Variants in RANBP2 observed in about 807,000 individuals in gnomAD.
The protein encoded by RANBP2 is E3 SUMO-protein ligase RanBP2.
A neutral mutation model predicts 303.6 loss-of-function variants in RANBP2; 57 were observed. The observed-to-expected ratio is 0.19, with a 90% CI of 0.15 to 0.23. The LOEUF (loss-of-function observed/expected upper bound fraction) is 0.23. Among genes scored for constraint, RANBP2 ranks in the 10% least tolerant of loss-of-function variants. RANBP2 has a pLI of 1.00. For missense variants in RANBP2, 3,138 were observed against 3,780.8 expected, an observed-to-expected ratio of 0.83 and a Z score of 4.46; for synonymous variants, 1,167 against 1,301.5, an observed-to-expected ratio of 0.90 and a Z score of 2.23.
At chr2:109,219,922 A>C in the RANBP2 span, among the ~76,000 whole-genome samples, 1 of 152,232 alleles carries the variant, frequency 6.6e-6, no homozygotes, top group Non-Finnish European at 1.5e-5. Context: ...ATAGTAAAAA[A>C]GCACTCTAAA....
chr2:109,395,516 C>T, the RANBP2 span, among the ~76,000 whole-genome samples: 4 of 151,466 alleles, frequency 2.6e-5, no homozygotes, highest in Admixed American at 1.3e-4. Context: ...GGAGCTCTTA[C>T]TTCTCCTGCC....
the RANBP2 span, among the ~76,000 whole-genome samples, chr2:109,479,441 C>T: frequency 6.6e-6 from 1 of 152,190 alleles, no homozygotes; most frequent in African/African-American, 2.4e-5. Flanking sequence ...TCAGTAGGAA[C>T]ATTTCTTGTC....
chr2:108,980,377 C>G, the RANBP2 span, among the ~76,000 whole-genome samples: 1 of 152,094 alleles, frequency 6.6e-6, no homozygotes, highest in Admixed American at 6.5e-5. Context: ...GCCACTAATG[C>G]TCTGGTGGGC....
At chr2:108,914,400 A>G in the RANBP2 span, among the ~76,000 whole-genome samples, 1 of 152,306 alleles carries the variant, frequency 6.6e-6, no homozygotes, top group South Asian at 2.1e-4. Flanking sequence ...TTCCTCAGAC[A>G]TGTTTTTACA....
chr2:109,483,249 G>A, the RANBP2 span, among the ~76,000 whole-genome samples: 1 of 152,180 alleles, frequency 6.6e-6, no homozygotes, highest in African/African-American at 2.4e-5. Flanking sequence ...AAACTTCCAA[G>A]TATAACTTGC....
the RANBP2 span, among the ~76,000 whole-genome samples, chr2:109,637,059 T>A: frequency 2.0e-5 from 3 of 151,874 alleles, no homozygotes; most frequent in East Asian, 5.8e-4. Flanking sequence ...AGGAATGTAG[T>A]AGGAGGGCAG....
intron 20 of RANBP2, among the ~76,000 whole-genome samples, 174 bp from the exon 21 acceptor site, chr2:108,771,527 G>A (rs1158883820): frequency 3.3e-5 from 5 of 152,036 alleles, no homozygotes; most frequent in Non-Finnish European, 5.9e-5. Flanking sequence ...CACTAAATCA[G>A]GATGCTAATT....
At chr2:109,255,419 C>G in the RANBP2 span, among the ~76,000 whole-genome samples, 4 of 152,248 alleles carry the variant, frequency 2.6e-5, no homozygotes, top group Non-Finnish European at 5.9e-5. Context: ...TCTCAATGAT[C>G]AGTATGAAGG....
intron 9 of RANBP2, among the ~76,000 whole-genome samples, chr2:108,750,748 C>T (rs531538036): frequency 2.0e-5 from 3 of 152,116 alleles, no homozygotes; most frequent in South Asian, 2.1e-4. Context: ...ACACCATGCT[C>T]GGCTAATTTT....
At chr2:109,536,757 TGTGGGAGGAAACA>T in the RANBP2 span, among the ~76,000 whole-genome samples, 8 of 152,160 alleles carry the variant, frequency 5.3e-5, no homozygotes, top group Non-Finnish European at 1.2e-4. Context: ...TCCTACGTAT[TGTGGGAGGAAACA>T]GTGGGAGGTA....
chr2:109,477,121 A>T, the RANBP2 span, among the ~76,000 whole-genome samples: 1 of 152,150 alleles, frequency 6.6e-6, no homozygotes, highest in East Asian at 1.9e-4. Context: ...CCTACTCAAG[A>T]TGGAGTTGCT....
the RANBP2 span, among the ~76,000 whole-genome samples, chr2:108,824,761 G>A: frequency 6.6e-6 from 1 of 152,062 alleles, no homozygotes; most frequent in Non-Finnish European, 1.5e-5. Flanking sequence ...TGGCAGCACA[G>A]TAGTTTTTTT....
intron 25 of RANBP2, 38 bp downstream of exon 25, chr2:108,777,269 C>A (rs1430275234): frequency 1.3e-6 from 2 of 1,533,668 alleles, no homozygotes; most frequent in Admixed American, 3.5e-5. Context: ...GACATTGTTA[C>A]AGAATCAAGC....
the RANBP2 span, among the ~76,000 whole-genome samples, chr2:109,077,592 T>G: frequency 0.97 from 146,020 of 150,308 alleles, 71,074 homozygotes; most frequent in Non-Finnish European, 1. Context: ...ATATATTAGG[T>G]ACACATATAA....
At chr2:108,907,628 A>C in the RANBP2 span, among the ~76,000 whole-genome samples, 1 of 150,256 alleles carries the variant, frequency 6.7e-6, no homozygotes, top group Non-Finnish European at 1.5e-5. Context: ...AGGCTGGGTG[A>C]CAGAGCAAGA....
At chr2:109,238,037 C>T in the RANBP2 span, among the ~76,000 whole-genome samples, 6 of 152,110 alleles carry the variant, frequency 3.9e-5, no homozygotes, top group Non-Finnish European at 8.8e-5. Context: ...GAGGCCCCAT[C>T]TCTACAAAAT....
the RANBP2 span, among the ~76,000 whole-genome samples, chr2:109,450,728 GGCCCATGCACT>G: frequency 3.9e-5 from 6 of 152,136 alleles, no homozygotes; most frequent in African/African-American, 1.4e-4. Context: ...CAGGGCTCAG[GGCCCATGCACT>G]GCCTGAGGCT....
the RANBP2 span, among the ~76,000 whole-genome samples, chr2:109,528,711 C>T: frequency 3.3e-5 from 5 of 152,156 alleles, no homozygotes; most frequent in Admixed American, 1.3e-4. Flanking sequence ...GATGGAACCA[C>T]GGTCCCCAAA....
At chr2:109,378,043 G>T in the RANBP2 span, among the ~76,000 whole-genome samples, 4 of 152,268 alleles carry the variant, frequency 2.6e-5, no homozygotes, top group Admixed American at 6.5e-5. Flanking sequence ...TGGTCTTGTG[G>T]GTTTTCGGCC....
Sources: gnomAD v4.1 joint callset for allele counts (sites outside exome capture counted in the v4.1 genomes callset) on GRCh38, gnomAD v4.1.1 for gene constraint, MANE v1.5 for transcripts, NCBI Gene and HGNC (gene_info 2026-07-23, HGNC 2026-07-21) for gene names.